The following SEMA6D variants were observed in gnomAD, a reference collection of about 807,000 sequenced individuals.
SEMA6D encodes semaphorin-6D.
A neutral mutation model predicts 106.6 loss-of-function variants in SEMA6D; 35 were observed. The observed-to-expected ratio is 0.33, with a 90% CI of 0.25 to 0.44. The LOEUF (loss-of-function observed/expected upper bound fraction) is 0.44. Ranked by LOEUF, SEMA6D falls within the 20% of genes least tolerant of loss-of-function variation. SEMA6D has a pLI of 1.00. For synonymous variants in SEMA6D, 499 were observed against 487.7 expected (o/e 1.02, Z -0.31); for missense variants, 1,185 against 1,345.9 (o/e 0.88, Z 1.87).
At chr15:47,426,135 G>T (rs868232310) in intron 2 of SEMA6D, among the ~76,000 whole-genome samples, 1 of 151,928 alleles carries the variant, frequency 6.6e-6, no homozygotes, top group Non-Finnish European at 1.5e-5. Flanking sequence ...TATACACATG[G>T]ATTTTGTATT....
intron 1 of SEMA6D, among the ~76,000 whole-genome samples, chr15:47,301,683 C>T (rs1266530324): frequency 1.3e-5 from 2 of 152,222 alleles, no homozygotes; most frequent in African/African-American, 4.8e-5. Flanking sequence ...CTGCTGCTGC[C>T]ACTCTCTGCC....
intron 1 of SEMA6D, among the ~76,000 whole-genome samples, chr15:47,217,594 T>TG (rs1491100894): frequency 5.5e-4 from 83 of 150,068 alleles, no homozygotes; most frequent in Non-Finnish European, 1.1e-3. Context: ...TGTGTGTGTG[T>TG]TTAATCCTCT....
chr15:47,440,283 A>G (rs1268073625), intron 2 of SEMA6D, among the ~76,000 whole-genome samples: 1 of 144,586 alleles, frequency 6.9e-6, no homozygotes, highest in Non-Finnish European at 1.5e-5. Flanking sequence ...AGGAGGCAAG[A>G]GATTATCCTC....
intron 1 of SEMA6D, among the ~76,000 whole-genome samples, chr15:47,382,641 G>A (rs1009441750): frequency 1.3e-5 from 2 of 152,342 alleles, no homozygotes; most frequent in East Asian, 3.9e-4. Flanking sequence ...GTAGAATATA[G>A]ACATGGCTAA....
chr15:47,357,498 G>C (rs1001629851), intron 1 of SEMA6D, among the ~76,000 whole-genome samples: 1 of 152,166 alleles, frequency 6.6e-6, no homozygotes, highest in Non-Finnish European at 1.5e-5. Context: ...GTTGTCTGCA[G>C]GCTGAGGATC....
rs1424379156 is a variant in SEMA6D, at chr15:47,768,842, C to G, written c.1933+94C>G. The G allele has an allele frequency of 3.2e-6, 4 of 1,252,066 alleles. No individual in the cohort carries two copies. The East Asian group carries it at 9.5e-5, about 30-fold the overall frequency. 77.6% of individuals were successfully genotyped at this position (1,252,066 alleles called of 1,614,324 possible). On this transcript the variant is annotated intron_variant, in intron 18 of 18. Coordinates refer to ENST00000536845, the MANE Select transcript of SEMA6D (RefSeq NM_001358351.3). ...TGTGGTTCTCCAGAGGTGGGCCTCA[C>G]AGGAGCTTCTGCGGTTGTACCTCCA... is the stretch of plus-strand genomic sequence containing the variant.
At chr15:47,293,192 C>A (rs2035662890) in intron 1 of SEMA6D, among the ~76,000 whole-genome samples, 1 of 152,170 alleles carries the variant, frequency 6.6e-6, no homozygotes, top group Non-Finnish European at 1.5e-5. Context: ...TTCTTCCTTG[C>A]ATGAAGCTCT....
At chr15:47,755,089 T>C (rs2147469761) in intron 1 of SEMA6D, among the ~76,000 whole-genome samples, 1 of 151,894 alleles carries the variant, frequency 6.6e-6, no homozygotes, top group East Asian at 1.9e-4. Flanking sequence ...GTAGCTGGGA[T>C]TAGAGGTGTG....
intron 2 of SEMA6D, among the ~76,000 whole-genome samples, chr15:47,414,707 G>A (rs902666549): frequency 6.6e-6 from 1 of 152,172 alleles, no homozygotes; most frequent in African/African-American, 2.4e-5. Context: ...TCTCTGTAGA[G>A]AACTAAGGAC....
intron 1 of SEMA6D, among the ~76,000 whole-genome samples, chr15:47,318,988 T>C (rs983014219): frequency 6.6e-5 from 10 of 152,252 alleles, no homozygotes; most frequent in Non-Finnish European, 1.2e-4. Context: ...TATCTCATTG[T>C]GTCCCACAGT....
At chr15:47,403,208 C>T (rs957576424) in intron 1 of SEMA6D, among the ~76,000 whole-genome samples, 1 of 152,062 alleles carries the variant, frequency 6.6e-6, no homozygotes. Context: ...ACCCAGCCTC[C>T]CTAGGTTTTG....
rs573006671 is a variant in SEMA6D, at chr15:47,761,088, T to G, written c.282+50T>G. Reference sequence around the variant, plus strand: ...TATTTACCTTCCCTCTGAACCTGATTAATTTTCCCACTGCCTCCCCAAAAA... The same window carrying G: ...TATTTACCTTCCCTCTGAACCTGATGAATTTTCCCACTGCCTCCCCAAAAA... On this transcript the variant is annotated intron_variant, in intron 4 of 18. Coordinates refer to ENST00000536845, the MANE Select transcript of SEMA6D (RefSeq NM_001358351.3). 5 of 1,611,686 alleles carry G rather than the reference T, an allele frequency of 3.1e-6. No homozygotes were observed. In the South Asian group the frequency reaches 5.5e-5, roughly 18 times the overall value.
At chr15:47,504,507 G>C (rs184245160) in intron 3 of SEMA6D, among the ~76,000 whole-genome samples, 1 of 152,322 alleles carries the variant, frequency 6.6e-6, no homozygotes, top group East Asian at 1.9e-4. Flanking sequence ...AAAAGCAGGA[G>C]ATCCAGGGAG....
intron 1 of SEMA6D, among the ~76,000 whole-genome samples, chr15:47,745,595 C>T (rs1372063457): frequency 6.6e-6 from 1 of 152,216 alleles, no homozygotes; most frequent in Non-Finnish European, 1.5e-5. Flanking sequence ...GACCTAAACT[C>T]CCATTTTGCC....
intron 4 of SEMA6D, among the ~76,000 whole-genome samples, chr15:47,688,597 G>T (rs780831405): frequency 6.6e-6 from 1 of 152,118 alleles, no homozygotes; most frequent in Admixed American, 6.5e-5. Context: ...AACCTTTAAG[G>T]TATTTTCCAA....
chr15:47,597,965 A>G (rs2076570470), intron 3 of SEMA6D, among the ~76,000 whole-genome samples: 1 of 151,514 alleles, frequency 6.6e-6, no homozygotes, highest in Non-Finnish European at 1.5e-5. Context: ...AAATTTAAAA[A>G]AGATCACTGT....
chr15:47,640,216 A>G (rs1004906850), intron 4 of SEMA6D, among the ~76,000 whole-genome samples: 3 of 152,174 alleles, frequency 2.0e-5, no homozygotes, highest in Non-Finnish European at 2.9e-5. Flanking sequence ...GGGATAATTC[A>G]CAGTGTGGGG....
intron 3 of SEMA6D, among the ~76,000 whole-genome samples, chr15:47,555,879 A>G (rs894038476): frequency 1.1e-4 from 16 of 152,196 alleles, no homozygotes; most frequent in African/African-American, 3.9e-4. Flanking sequence ...TTATTTAGAA[A>G]TGACCCACAG....
chr15:47,429,002 G>C (rs537612049), intron 2 of SEMA6D, among the ~76,000 whole-genome samples: 24 of 151,380 alleles, frequency 1.6e-4, no homozygotes, highest in African/African-American at 5.8e-4. Context: ...AAGGGAGGGA[G>C]GGAGGAAGGA....
Sources: gnomAD v4.1 joint callset for allele counts (sites outside exome capture counted in the v4.1 genomes callset) on GRCh38, gnomAD v4.1.1 for gene constraint, MANE v1.5 for transcripts, NCBI Gene and HGNC (gene_info 2026-07-23, HGNC 2026-07-21) for gene names.